Variants in RSF1 observed in about 807,000 individuals in gnomAD.
RSF1 encodes the protein HBV pX-associated protein 8.
RSF1 carries 13 observed loss-of-function variants against 145.2 expected under a neutral mutation model. The observed-to-expected ratio is 0.09, with a 90% confidence interval of 0.06 to 0.14. RSF1 has a LOEUF of 0.14. Ranked by LOEUF, RSF1 falls within the 10% of genes least tolerant of loss-of-function variation. The pLI is 1.00. For synonymous variants in RSF1, 577 were observed against 592.6 expected, an observed-to-expected ratio of 0.97 and a Z score of 0.38; for missense variants, 1,517 against 1,718.2, an observed-to-expected ratio of 0.88 and a Z score of 2.07.
At chr11:77,852,238 AAAAG>A in the RSF1 span, among the ~76,000 whole-genome samples, 2 of 149,320 alleles carry the variant, frequency 1.3e-5, no homozygotes, top group Admixed American at 6.7e-5. Flanking sequence ...AAAAAAAAAA[AAAAG>A]AAGAAGAAGA....
chr11:77,775,159 A>G (rs893077168), intron 1 of RSF1, among the ~76,000 whole-genome samples: 36 of 151,510 alleles, frequency 2.4e-4, no homozygotes, highest in African/African-American at 8.7e-4. Flanking sequence ...GAGACAGGAG[A>G]ATCTCTTGAA....
At chr11:77,766,916 G>C (rs1243253107) in intron 1 of RSF1, among the ~76,000 whole-genome samples, 1 of 152,166 alleles carries the variant, frequency 6.6e-6, no homozygotes. Flanking sequence ...GATAGAAGTA[G>C]CCTAAACTAA....
intron 1 of RSF1, among the ~76,000 whole-genome samples, chr11:77,782,093 A>C (rs989233474): frequency 6.6e-6 from 1 of 152,090 alleles, no homozygotes; most frequent in African/African-American, 2.4e-5. Context: ...CTATATCTTT[A>C]TGTTTGAAGT....
chr11:77,734,068 C>T (rs1308395169), intron 4 of RSF1, among the ~76,000 whole-genome samples: 1 of 152,056 alleles, frequency 6.6e-6, no homozygotes, highest in Non-Finnish European at 1.5e-5. Flanking sequence ...GGAGCTTAAA[C>T]ATTTTTGCTA....
chr11:77,691,140 AAC>A lies in RSF1; in HGVS notation c.2900+17_2900+18del. On this transcript the variant is annotated intron_variant, in intron 9 of 15. Coordinates refer to ENST00000308488, the MANE Select transcript of RSF1 (RefSeq NM_016578.4). Reference sequence around the variant, plus strand: ...CTCTCATATTCCCAAACAAAACATTAACACACATATAAAAATACCTTCGTTCG... The same window carrying A: ...CTCTCATATTCCCAAACAAAACATTAACACATATAAAAATACCTTCGTTCG... 1 of 1,604,026 alleles carries A rather than the reference AAC, an allele frequency of 6.2e-7. No individual in the cohort carries two copies. Among genetic ancestry groups the A allele is most frequent in the South Asian group, 1.1e-5 (1 of 90,856 alleles).
At chr11:77,748,074 T>C (rs1948020650) in intron 2 of RSF1, among the ~76,000 whole-genome samples, 1 of 152,106 alleles carries the variant, frequency 6.6e-6, no homozygotes, top group African/African-American at 2.4e-5. Flanking sequence ...CTCTCTCAGG[T>C]GGGTTACCCT....
Position 77,771,855 on chromosome 11 carries a change from G to A in RSF1, c.188-7166C>T, listed in dbSNP as rs189356564. Among the ~76,000 whole-genome samples, 13 of 152,290 alleles carry A rather than the reference G, an allele frequency of 8.5e-5. 1 individual carries two copies. The highest frequency in any genetic ancestry group is 6.8e-3 in the Middle Eastern group (2 of 294). Reference sequence around the variant, plus strand: ...AAATATGACTATTTAGGAAGACATCGCAATACTTCAGATCAGATAATGATG... The same window carrying A: ...AAATATGACTATTTAGGAAGACATCACAATACTTCAGATCAGATAATGATG... On this transcript the variant is annotated intron_variant, in intron 1 of 15. Transcript: ENST00000308488.
At chr11:77,865,401 AGAACATTT>A in the RSF1 span, among the ~76,000 whole-genome samples, 1 of 152,304 alleles carries the variant, frequency 6.6e-6, no homozygotes, top group African/African-American at 2.4e-5. Flanking sequence ...ATCATCTCCT[AGAACATTT>A]GAATTGTAGG....
At chr11:77,862,859 A>C in the RSF1 span, among the ~76,000 whole-genome samples, 2 of 152,256 alleles carry the variant, frequency 1.3e-5, no homozygotes, top group East Asian at 3.9e-4. Flanking sequence ...GAAAAATATA[A>C]GTCGTTTCTT....
chr11:77,741,047 A>G (rs1054959599), intron 3 of RSF1, 111 bp from the exon 4 acceptor site: 3 of 757,136 alleles, frequency 4.0e-6, no homozygotes, highest in African/African-American at 3.4e-5. Flanking sequence ...CAGAACACAA[A>G]TACTGTATTC....
At chr11:77,857,397 G>A in the RSF1 span, among the ~76,000 whole-genome samples, 1 of 152,136 alleles carries the variant, frequency 6.6e-6, no homozygotes, top group Non-Finnish European at 1.5e-5. Flanking sequence ...AAATGCTGGA[G>A]TAGAATCATG....
chr11:77,694,148 C>A (rs1372855381), intron 7 of RSF1, among the ~76,000 whole-genome samples: 2 of 152,144 alleles, frequency 1.3e-5, no homozygotes, highest in Non-Finnish European at 2.9e-5. Context: ...AATAACAAGG[C>A]CTTTCTGACC....
chr11:77,870,370 T>C, the RSF1 span, among the ~76,000 whole-genome samples: 2 of 143,572 alleles, frequency 1.4e-5, no homozygotes, highest in African/African-American at 2.6e-5. Flanking sequence ...CGGAGTCTTG[T>C]TCTGTCGCCC....
rs1960428547 is a variant in RSF1 at position 77,701,694 on chromosome 11, T to C, written c.1535A>G (p.Asp512Gly). Residue 512 changes from aspartate (D) to glycine (G), a missense_variant, in exon 6 of 16, where the codon GAT (aspartate) becomes GGT (glycine). This residue lies in a region of RSF1 where 579 missense variants were observed against 553.5 expected (regional missense o/e 1.05). Coordinates refer to ENST00000308488, the MANE Select transcript of RSF1 (RefSeq NM_016578.4). ...LEKETAPLRK[D>G]ADSSISVLEI... ...TAAGACTGATATTGAACTATCTGCA[T>C]CTTTCCTCAAAGGGGCTGTTTCTTT... 2 of 1,613,858 alleles carry C rather than the reference T, an allele frequency of 1.2e-6. No homozygotes were observed. Among genetic ancestry groups the C allele is most frequent in the African/African-American group, 2.7e-5 (2 of 74,914 alleles).
At chr11:77,838,620 T>C in the RSF1 span, among the ~76,000 whole-genome samples, 1 of 150,760 alleles carries the variant, frequency 6.6e-6, no homozygotes, top group Non-Finnish European at 1.5e-5. Flanking sequence ...AGTACCTTTT[T>C]TTTTTTTTTT....
At chr11:77,752,553 G>A (rs1280336979) in intron 2 of RSF1, among the ~76,000 whole-genome samples, 1 of 151,976 alleles carries the variant, frequency 6.6e-6, no homozygotes, top group Non-Finnish European at 1.5e-5. Context: ...CCATTTTTCT[G>A]GGACCCCTCT....
At chr11:77,764,461 C>A in intron 2 of RSF1, 137 bp downstream of exon 2, 1 of 590,542 alleles carries the variant, frequency 1.7e-6, no homozygotes, top group Non-Finnish European at 2.9e-6. Flanking sequence ...CACATACTTG[C>A]AGTCATGTGG....
the RSF1 span, among the ~76,000 whole-genome samples, chr11:77,826,466 A>G: frequency 9.5e-4 from 145 of 152,324 alleles, no homozygotes; most frequent in Non-Finnish European, 8.4e-4. Context: ...AACAGGGATA[A>G]TCATCGGCAG....
intron 1 of RSF1, among the ~76,000 whole-genome samples, chr11:77,786,010 T>A (rs1267235805): frequency 5.1e-5 from 5 of 98,294 alleles, no homozygotes; most frequent in Non-Finnish European, 1.0e-4. Flanking sequence ...AAAAGAAACA[T>A]CTGCATATCA....
Sources: allele counts gnomAD v4.1 joint callset (sites outside exome capture counted in the v4.1 genomes callset), GRCh38; gene constraint gnomAD v4.1.1; regional missense constraint gnomAD v4.1.1; transcripts MANE v1.5; gene names NCBI Gene and HGNC (gene_info 2026-07-23, HGNC 2026-07-21).